Variants in ZNG1A observed in about 807,000 individuals in gnomAD.
ZNG1A encodes the protein Zn regulated GTPase metalloprotein activator 1A, also known as zinc-regulated GTPase metalloprotein activator 1A.
the ZNG1A span, among the ~76,000 whole-genome samples, chr9:141,900 T>A: frequency 1.2e-4 from 18 of 151,994 alleles, no homozygotes; most frequent in Non-Finnish European, 2.4e-4. Flanking sequence ...TCCTAGTCTC[T>A]GATAAAACAG....
At chr9:121,730 C>T in the ZNG1A span, 7 of 1,074,866 alleles carry the variant, frequency 6.5e-6, no homozygotes, top group Admixed American at 2.4e-5. Flanking sequence ...CAGGTCAGTA[C>T]ATCAAAGTCA....
the ZNG1A span, among the ~76,000 whole-genome samples, chr9:149,913 C>T: frequency 6.9e-6 from 1 of 145,226 alleles, no homozygotes; most frequent in Non-Finnish European, 1.5e-5. Context: ...ACTAAATCAA[C>T]TTAAGTCTTA....
chr9:122,650 T>C, the ZNG1A span: 1 of 995,626 alleles, frequency 1.0e-6, no homozygotes, highest in Non-Finnish European at 1.2e-6. Flanking sequence ...GGGATGAAAT[T>C]AATTTATTTG....
chr9:164,802 A>C, the ZNG1A span, among the ~76,000 whole-genome samples: 1 of 151,828 alleles, frequency 6.6e-6, no homozygotes, highest in East Asian at 1.9e-4. Context: ...AGTGTAGGAG[A>C]AAAACAAGGA....
At chr9:125,157 T>A in the ZNG1A span, among the ~76,000 whole-genome samples, 2 of 152,182 alleles carry the variant, frequency 1.3e-5, no homozygotes, top group Non-Finnish European at 1.5e-5. Flanking sequence ...GTTGTACTAG[T>A]TTACATTCCC....
At chr9:176,551 G>A in the ZNG1A span, among the ~76,000 whole-genome samples, 10 of 152,024 alleles carry the variant, frequency 6.6e-5, no homozygotes, top group East Asian at 1.5e-3. Flanking sequence ...AAGATTTTAC[G>A]GAGTATTAGG....
At chr9:163,515 C>G in the ZNG1A span, among the ~76,000 whole-genome samples, 1 of 151,572 alleles carries the variant, frequency 6.6e-6, no homozygotes, top group African/African-American at 2.4e-5. Flanking sequence ...TCTATATGAA[C>G]AAAGATTTCA....
the ZNG1A span, among the ~76,000 whole-genome samples, chr9:126,775 G>T: frequency 6.6e-6 from 1 of 151,872 alleles, no homozygotes; most frequent in Admixed American, 6.6e-5. Context: ...CTTGAGGTGT[G>T]ACCGTGGATT....
chr9:145,186 C>T, the ZNG1A span, among the ~76,000 whole-genome samples: 3 of 151,620 alleles, frequency 2.0e-5, no homozygotes, highest in Non-Finnish European at 4.4e-5. Flanking sequence ...ACCCAGCCAT[C>T]CCATTACTGG....
chr9:174,434 T>C, the ZNG1A span, among the ~76,000 whole-genome samples: 1 of 151,926 alleles, frequency 6.6e-6, no homozygotes, highest in African/African-American at 2.4e-5. Flanking sequence ...TTGGACTATA[T>C]ACAGAACATT....
At chr9:122,593 G>C in the ZNG1A span, 1 of 1,018,392 alleles carries the variant, frequency 9.8e-7, no homozygotes, top group Non-Finnish European at 1.2e-6. Flanking sequence ...ATTGTGTATT[G>C]ATTTGCAGAA....
At chr9:177,857 A>T in the ZNG1A span, 1 of 1,340,594 alleles carries the variant, frequency 7.5e-7, no homozygotes, top group East Asian at 2.5e-5. Flanking sequence ...CCTTTATAAA[A>T]TTACTTCCGA....
the ZNG1A span, among the ~76,000 whole-genome samples, chr9:174,349 T>C: frequency 6.6e-6 from 1 of 151,944 alleles, no homozygotes; most frequent in African/African-American, 2.4e-5. Flanking sequence ...TAAAATCGAG[T>C]AGTTTTACAC....
At chr9:146,422 T>A in the ZNG1A span, 3 of 329,482 alleles carry the variant, frequency 9.1e-6, no homozygotes, top group Non-Finnish European at 1.6e-5. Flanking sequence ...AGCTAAAAAA[T>A]CAGCTAAAGA....
At chr9:121,493 A>T in the ZNG1A span, 1 of 1,611,550 alleles carries the variant, frequency 6.2e-7, no homozygotes, top group Non-Finnish European at 8.5e-7. Flanking sequence ...TCTTCTTGGA[A>T]ACGTGTTGTC....
At chr9:170,242 T>G in the ZNG1A span, among the ~76,000 whole-genome samples, 7 of 151,416 alleles carry the variant, frequency 4.6e-5, no homozygotes, top group Non-Finnish European at 1.0e-4. Flanking sequence ...AATTTGCCTT[T>G]CTAACAAGCT....
the ZNG1A span, chr9:177,721 A>G: frequency 6.6e-7 from 1 of 1,513,954 alleles, no homozygotes; most frequent in African/African-American, 1.4e-5. Context: ...CTACTGACCT[A>G]CCAGTGAGCA....
At chr9:141,987 G>A in the ZNG1A span, among the ~76,000 whole-genome samples, 2 of 147,608 alleles carry the variant, frequency 1.4e-5, no homozygotes, top group South Asian at 2.2e-4. Context: ...AACAAGAAGA[G>A]CTAACTATCC....
At chr9:153,850 G>A in the ZNG1A span, 1 of 151,306 alleles carries the variant, frequency 6.6e-6, no homozygotes, top group Non-Finnish European at 1.5e-5. Context: ...TAAATACTAA[G>A]AATAGTAATT....
Sources: allele counts gnomAD v4.1 joint callset (sites outside exome capture counted in the v4.1 genomes callset), GRCh38; gene constraint gnomAD v4.1.1; transcripts MANE v1.5; gene names NCBI Gene and HGNC (gene_info 2026-07-23, HGNC 2026-07-21).